DYNLT2B: variants seen among roughly 807,000 people sequenced by gnomAD.
The protein encoded by DYNLT2B is dynein light chain Tctex-type protein 2B.
DYNLT2B carries 14 observed loss-of-function variants against 19.5 expected under a neutral mutation model. The observed-to-expected ratio is 0.72, with a 90% confidence interval of 0.47 to 1.12. The LOEUF is 1.12. DYNLT2B is among the 50% of genes most tolerant of loss of function. The probability of loss-of-function intolerance (pLI) is 0.00; values close to 1 mark genes in which losing one functional copy is unlikely to be tolerated. For missense variants in DYNLT2B, 133 were observed against 174.7 expected (o/e 0.76, Z 1.35); for synonymous variants, 70 against 59.7 (o/e 1.17, Z -0.79).
rs1217707604 is a variant in DYNLT2B, at chr3:196,308,839, G to GCCCTT, written c.248-1828_248-1827insAAGGG. Among the ~76,000 whole-genome samples the GCCCTT allele has an allele frequency of 1.2e-4, 18 of 152,018 alleles. No individual in the cohort carries two copies. In the East Asian group the frequency reaches 2.7e-3, roughly 23 times the overall value. On this transcript the variant is annotated intron_variant, in intron 2 of 4. Coordinates refer to ENST00000325318, the MANE Select transcript of DYNLT2B (RefSeq NM_152773.5). ...CCCAAATTATACAGAAATGTGTCTA[G>GCCCTT]AATAATACTCAGCCCTTAAATCACG...
intron 4 of DYNLT2B, among the ~76,000 whole-genome samples, chr3:196,294,526 T>C (rs1726174857): frequency 6.6e-6 from 1 of 152,134 alleles, no homozygotes; most frequent in Non-Finnish European, 1.5e-5. Context: ...TCAGAATCTA[T>C]TTGAATAGGG....
intron 2 of DYNLT2B, 61 bp from the exon 3 acceptor site, chr3:196,307,073 C>T: frequency 1.4e-6 from 2 of 1,458,024 alleles, no homozygotes; most frequent in Non-Finnish European, 1.9e-6. Flanking sequence ...TTATTGAAGA[C>T]AAATTTGCCC....
At chr3:196,295,374 T>C (rs200989021) in intron 4 of DYNLT2B, among the ~76,000 whole-genome samples, 950 of 108,362 alleles carry the variant, frequency 8.8e-3, no homozygotes, top group South Asian at 0.013. Context: ...TTGGCCAGGC[T>C]GGTCTTGAAC....
rs555692360 is a variant in DYNLT2B at position 196,309,920 on chromosome 3, C to T, written c.248-2908G>A. Among the ~76,000 whole-genome samples the T allele has an allele frequency of 1.3e-3, 194 of 148,256 alleles. 2 individuals are homozygous for T. Among genetic ancestry groups the T allele is most frequent in the Non-Finnish European group, 1.2e-4 (8 of 67,440 alleles). On this transcript the variant is annotated intron_variant, in intron 2 of 4. Coordinates refer to ENST00000325318, the MANE Select transcript of DYNLT2B (RefSeq NM_152773.5). ...CCAAGATTGCGCCATTGCACTCCAG[C>T]TTGTGCAACAAGACCGAAACTCAGT...
chr3:196,308,933 A>T (rs894083027), intron 2 of DYNLT2B, among the ~76,000 whole-genome samples: 7 of 151,732 alleles, frequency 4.6e-5, no homozygotes, highest in Non-Finnish European at 8.8e-5. Flanking sequence ...AACCCACACC[A>T]TATCAGAGCA....
intron 3 of DYNLT2B, among the ~76,000 whole-genome samples, chr3:196,304,002 G>A (rs990574863): frequency 6.6e-5 from 10 of 152,170 alleles, no homozygotes; most frequent in Admixed American, 6.5e-5. Flanking sequence ...CAGCGTGGGC[G>A]ACAGAGCAAG....
intron 2 of DYNLT2B, among the ~76,000 whole-genome samples, chr3:196,312,344 A>T (rs1260143668): frequency 6.6e-6 from 1 of 152,160 alleles, no homozygotes; most frequent in Non-Finnish European, 1.5e-5. Context: ...TAAGCAGAGA[A>T]CATCAAGCTG....
intron 3 of DYNLT2B, among the ~76,000 whole-genome samples, chr3:196,299,378 C>G (rs1007402545): frequency 6.6e-6 from 1 of 151,912 alleles, no homozygotes; most frequent in Non-Finnish European, 1.5e-5. Flanking sequence ...AGCCACTGTG[C>G]TTGGCCCTAA....
intron 3 of DYNLT2B, among the ~76,000 whole-genome samples, chr3:196,306,658 C>T (rs1726497152): frequency 6.6e-6 from 1 of 152,128 alleles, no homozygotes; most frequent in African/African-American, 2.4e-5. Flanking sequence ...AAGTGATTCT[C>T]CTGCCTCAGC....
chr3:196,309,528 G>C (rs1366305957), intron 2 of DYNLT2B, among the ~76,000 whole-genome samples: 1 of 151,928 alleles, frequency 6.6e-6, no homozygotes, highest in East Asian at 1.9e-4. Context: ...GCCTCCCAAA[G>C]TGCTGGGATT....
chr3:196,300,870 C>A (rs1354485759), intron 3 of DYNLT2B, among the ~76,000 whole-genome samples: 48 of 151,892 alleles, frequency 3.2e-4, no homozygotes, highest in Admixed American at 3.2e-3. Flanking sequence ...CCAGCCTGGG[C>A]AACATGGTGA....
chr3:196,300,654 G>A (rs1044168991), intron 3 of DYNLT2B, among the ~76,000 whole-genome samples: 2 of 150,790 alleles, frequency 1.3e-5, no homozygotes, highest in African/African-American at 2.4e-5. Flanking sequence ...ACTTGAACCC[G>A]GGAGGCTGAG....
rs113141859 is a variant in DYNLT2B at position 196,317,021 on chromosome 3, AGTGTGTGT to A, written c.114-798_114-791del. ...GGCCCGTGAGCCTGACATTTTTTTC[AGTGTGTGT>A]GTGTGTGTGTGTGTGTTGTGTGGTG... is the stretch of plus-strand genomic sequence containing the variant. On this transcript the variant is annotated intron_variant, in intron 1 of 4. Coordinates refer to ENST00000325318, the MANE Select transcript of DYNLT2B (RefSeq NM_152773.5). 5.7e-3 allele frequency among the ~76,000 whole-genome samples: 262 copies of A among 45,924 alleles called. 5 individuals carry two copies. The highest frequency in any genetic ancestry group is 0.02 in the African/African-American group (241 of 11,836). 30.1% of individuals were successfully genotyped at this position (45,924 alleles called of 152,430 possible). A position where few individuals can be genotyped will look rare whatever the true frequency, so the allele number is the denominator to read the frequency against.
chr3:196,299,495 T>C (rs560875638), intron 3 of DYNLT2B, among the ~76,000 whole-genome samples: 1 of 152,122 alleles, frequency 6.6e-6, no homozygotes, highest in South Asian at 2.1e-4. Flanking sequence ...AGTGGTAGGA[T>C]TACAGGAGTG....
At chr3:196,316,324 ACC>A in intron 1 of DYNLT2B, 93 bp from the exon 2 acceptor site, 1 of 1,291,486 alleles carries the variant, frequency 7.7e-7, no homozygotes, top group South Asian at 1.6e-5. Flanking sequence ...TGTCATTAGT[ACC>A]ACTTAATCCT....
At chr3:196,312,200 T>C (rs1726661194) in intron 2 of DYNLT2B, among the ~76,000 whole-genome samples, 1 of 151,530 alleles carries the variant, frequency 6.6e-6, no homozygotes, top group African/African-American at 2.4e-5. Context: ...GTATTTTTAC[T>C]AGAGACGGGG....
intron 2 of DYNLT2B, among the ~76,000 whole-genome samples, chr3:196,308,480 A>G (rs1281910641): frequency 5.3e-5 from 8 of 152,262 alleles, no homozygotes; most frequent in Non-Finnish European, 1.5e-5. Context: ...ACGTTGCTAA[A>G]GCAGCAAAAT....
chr3:196,306,111 T>C (rs971751414), intron 3 of DYNLT2B, among the ~76,000 whole-genome samples: 2 of 151,288 alleles, frequency 1.3e-5, no homozygotes, highest in African/African-American at 2.4e-5. Flanking sequence ...TTTGAAAAAA[T>C]TGTAAAAAGA....
chr3:196,301,582 G>A (rs1726352623), intron 3 of DYNLT2B, among the ~76,000 whole-genome samples: 1 of 151,938 alleles, frequency 6.6e-6, no homozygotes, highest in African/African-American at 2.4e-5. Context: ...GTGTGGTGGT[G>A]GGCACCAGTA....
Sources: allele counts gnomAD v4.1 joint callset (sites outside exome capture counted in the v4.1 genomes callset), GRCh38; gene constraint gnomAD v4.1.1; transcripts MANE v1.5; gene names NCBI Gene and HGNC (gene_info 2026-07-23, HGNC 2026-07-21).